The following MAP2K5 variants were observed in gnomAD, a reference collection of about 807,000 sequenced individuals.
MAP2K5 encodes mitogen-activated protein kinase kinase 5.
Under a neutral mutation model 83.1 loss-of-function variants are expected in MAP2K5, and 49 were observed. The observed-to-expected ratio is 0.59, with a 90% CI of 0.47 to 0.75. The LOEUF (loss-of-function observed/expected upper bound fraction) is 0.75, where lower values mean the gene tolerates loss of function less well. Ranked by LOEUF, MAP2K5 falls within the 30% of genes least tolerant of loss-of-function variation. The pLI is 0.00. For missense variants in MAP2K5, 457 were observed against 557.5 expected, an observed-to-expected ratio of 0.82 and a Z score of 1.82; for synonymous variants, 202 against 191.8, an observed-to-expected ratio of 1.05 and a Z score of -0.44.
At chr15:67,725,197 G>A (rs1306991583) in intron 16 of MAP2K5, among the ~76,000 whole-genome samples, 1 of 152,016 alleles carries the variant, frequency 6.6e-6, no homozygotes, top group Admixed American at 6.6e-5. Flanking sequence ...TGTCTTGCAT[G>A]GCATTGTCTT....
intron 16 of MAP2K5, among the ~76,000 whole-genome samples, chr15:67,705,512 A>G (rs1424002488): frequency 6.6e-6 from 1 of 152,214 alleles, no homozygotes; most frequent in Non-Finnish European, 1.5e-5. Flanking sequence ...AGGTGGGCAG[A>G]TCACCTGAAG....
Position 67,712,271 on chromosome 15 carries a change from A to T in MAP2K5, c.1044+8863A>T, listed in dbSNP as rs189254014. ...GAAATCTGACTAGGAAGACTTAAAGATCCAGACGTTTGGAGTTCCCCCAAG... is the reference window on the plus strand; with the variant it reads ...GAAATCTGACTAGGAAGACTTAAAGTTCCAGACGTTTGGAGTTCCCCCAAG... On this transcript the variant is annotated intron_variant, in intron 16 of 21. Coordinates refer to ENST00000178640, the MANE Select transcript of MAP2K5 (RefSeq NM_145160.3). Among the ~76,000 whole-genome samples the T allele has an allele frequency of 1.8e-3, 268 of 152,310 alleles. 1 individual carries two copies. Among genetic ancestry groups the T allele is most frequent in the African/African-American group, 5.9e-3 (244 of 41,566 alleles).
At chr15:67,642,036 T>G (rs1164374908) in intron 9 of MAP2K5, among the ~76,000 whole-genome samples, 1 of 152,214 alleles carries the variant, frequency 6.6e-6, no homozygotes, top group African/African-American at 2.4e-5. Flanking sequence ...TTTTCCATCA[T>G]TTTGGAATCT....
chr15:67,582,745 C>T (rs988316435), intron 4 of MAP2K5, among the ~76,000 whole-genome samples: 3 of 151,876 alleles, frequency 2.0e-5, no homozygotes, highest in Admixed American at 6.6e-5. Context: ...GGCTTGAGCC[C>T]AAGAGGTTGA....
At position 67,677,141 on chromosome 15, in the gene MAP2K5, T is replaced by C. The variant is rs1164691755; in HGVS notation, c.847+12496T>C. Among the ~76,000 whole-genome samples the C allele has an allele frequency of 1.3e-5, 2 of 152,160 alleles. No homozygotes were observed. Among genetic ancestry groups the C allele is most frequent in the Non-Finnish European group, 2.9e-5 (2 of 68,020 alleles). On this transcript the variant is annotated intron_variant, in intron 13 of 21. Transcript: ENST00000178640. The surrounding 1 kb of genome is among the most constrained non-coding windows in gnomAD (Gnocchi z 4.2). ...ATCTGGGCTATTTTCTTTGTGAACT[T>C]CCCAAGATCACCCAACTATTCACTG...
At chr15:67,650,443 T>C (rs2086925454) in intron 11 of MAP2K5, among the ~76,000 whole-genome samples, 1 of 152,052 alleles carries the variant, frequency 6.6e-6, no homozygotes, top group Non-Finnish European at 1.5e-5. Flanking sequence ...TTAAATATGA[T>C]GTTAGCCATG....
chr15:67,784,258 C>G (rs1262563385), intron 21 of MAP2K5, among the ~76,000 whole-genome samples: 2 of 152,216 alleles, frequency 1.3e-5, no homozygotes, highest in African/African-American at 4.8e-5. Flanking sequence ...CAGGACTGTC[C>G]TACTGCACAA....
rs774989998 is a variant in MAP2K5 at position 67,693,563 on chromosome 15, A to G, written c.967A>G (p.Met323Val). The G allele has an allele frequency of 6.2e-7, 1 of 1,610,862 alleles. No individual in the cohort carries two copies. The highest frequency in any genetic ancestry group is 8.5e-7 in the Non-Finnish European group (1 of 1,177,674). Residue 323 changes from methionine to valine, a missense_variant, in exon 15 of 22, where the codon ATG becomes GTG. Met to Val is a conservative substitution (Grantham distance 21). This residue lies in a region of MAP2K5 where 168 missense variants were observed against 263.0 expected (regional missense o/e 0.64). Transcript: ENST00000178640. ...AKTYVGTNAY[M>V]APERISGEQY... ...GACGTATGTTGGAACAAATGCTTATATGGCGGTAAGTAAACTTATGCAAAA... is the reference window on the plus strand; with the variant it reads ...GACGTATGTTGGAACAAATGCTTATGTGGCGGTAAGTAAACTTATGCAAAA...
At chr15:67,697,760 TGAA>T (rs2088303268) in intron 15 of MAP2K5, among the ~76,000 whole-genome samples, 1 of 152,054 alleles carries the variant, frequency 6.6e-6, no homozygotes, top group Non-Finnish European at 1.5e-5. Context: ...TACTCAAATA[TGAA>T]AAAGAAAATA....
intron 21 of MAP2K5, among the ~76,000 whole-genome samples, chr15:67,776,663 T>C (rs2090245615): frequency 6.6e-6 from 1 of 152,224 alleles, no homozygotes. Flanking sequence ...GGTTTTGCTA[T>C]TCAATTTCTG....
chr15:67,671,466 G>A (rs1020491474), intron 13 of MAP2K5, among the ~76,000 whole-genome samples: 4 of 152,118 alleles, frequency 2.6e-5, no homozygotes, highest in African/African-American at 4.8e-5. Flanking sequence ...GAAAATTAAA[G>A]CTGTGTGCCT....
chr15:67,695,325 A>G (rs1461049373), intron 15 of MAP2K5, among the ~76,000 whole-genome samples: 3 of 152,148 alleles, frequency 2.0e-5, no homozygotes, highest in African/African-American at 7.2e-5. Flanking sequence ...TCTAAACCTA[A>G]ACCTTCTTCT....
At chr15:67,701,078 G>T (rs1172019437) in intron 15 of MAP2K5, among the ~76,000 whole-genome samples, 1 of 152,036 alleles carries the variant, frequency 6.6e-6, no homozygotes, top group African/African-American at 2.4e-5. Context: ...TTTTGTGTGT[G>T]TGCGTGTTTT....
chr15:67,555,196 G>A lies in MAP2K5; in HGVS notation c.184+5114G>A, dbSNP rs963463540. On this transcript the variant is annotated intron_variant, in intron 2 of 21. Coordinates refer to ENST00000178640, the MANE Select transcript of MAP2K5 (RefSeq NM_145160.3). The surrounding 1 kb of genome is among the most constrained non-coding windows in gnomAD (Gnocchi z 5.2). ...CAGTTCTACAGGCTGTACAAGCATG[G>A]CACTAGCATCTGCTTGCATTCTGCT... Among the ~76,000 whole-genome samples the A allele has an allele frequency of 6.6e-6, 1 of 152,196 alleles. No individual in the cohort carries two copies. The highest frequency in any genetic ancestry group is 1.5e-5 in the Non-Finnish European group (1 of 68,026).
chr15:67,623,713 T>A (rs2086242288), intron 8 of MAP2K5, among the ~76,000 whole-genome samples: 1 of 151,820 alleles, frequency 6.6e-6, no homozygotes, highest in Non-Finnish European at 1.5e-5. Context: ...TTCTCCTGTC[T>A]CAGCCTCCTG....
intron 8 of MAP2K5, among the ~76,000 whole-genome samples, chr15:67,612,742 TG>T (rs2085956110): frequency 6.6e-6 from 1 of 152,162 alleles, no homozygotes; most frequent in African/African-American, 2.4e-5. Flanking sequence ...CTTTGCAGAA[TG>T]GTAGCTGCAG....
At chr15:67,553,042 A>G (rs1000193866) in intron 2 of MAP2K5, among the ~76,000 whole-genome samples, 9 of 152,132 alleles carry the variant, frequency 5.9e-5, no homozygotes, top group African/African-American at 2.2e-4. Flanking sequence ...GTTAGGGTTC[A>G]TAATAATAAT....
At chr15:67,613,880 T>C (rs1303761100) in intron 8 of MAP2K5, among the ~76,000 whole-genome samples, 1 of 152,156 alleles carries the variant, frequency 6.6e-6, no homozygotes, top group Non-Finnish European at 1.5e-5. Flanking sequence ...GTGCATTTAC[T>C]CTTTGACCCA....
At chr15:67,667,029 T>C (rs996083072) in intron 13 of MAP2K5, among the ~76,000 whole-genome samples, 9 of 152,226 alleles carry the variant, frequency 5.9e-5, no homozygotes, top group African/African-American at 2.2e-4. Context: ...ACTTTTACCT[T>C]CTGGACTTAA....
Sources: allele counts gnomAD v4.1 joint callset (sites outside exome capture counted in the v4.1 genomes callset), GRCh38; gene constraint gnomAD v4.1.1; regional missense constraint gnomAD v4.1.1; non-coding constraint Gnocchi (gnomAD v3.1); transcripts MANE v1.5; gene names NCBI Gene and HGNC (gene_info 2026-07-23, HGNC 2026-07-21).